CD163L1: variants seen among roughly 807,000 people sequenced by gnomAD.
CD163L1 encodes the protein CD163 molecule like 1, also known as scavenger receptor cysteine-rich type 1 protein M160.
Under a neutral mutation model 165.4 loss-of-function variants are expected in CD163L1, and 124 were observed. The ratio of observed to expected loss-of-function variants is 0.75; its 90% confidence interval spans 0.65 to 0.87. The LOEUF is 0.87. Ranked by LOEUF, CD163L1 falls within the 40% of genes least tolerant of loss-of-function variation. The pLI, the probability that CD163L1 is intolerant of heterozygous loss-of-function variation, is 0.00. For synonymous variants in CD163L1, 585 were observed against 662.2 expected (o/e 0.88, Z 1.79); for missense variants, 1,525 against 1,799.9 (o/e 0.85, Z 2.76).
rs1019200790 is a variant in CD163L1, at chr12:7,374,615, C to T, written c.3236G>A (p.Cys1079Tyr). The T allele has an allele frequency of 5.0e-6, 8 of 1,614,118 alleles. No homozygotes were observed. The highest frequency in any genetic ancestry group is 4.5e-5 in the East Asian group (2 of 44,882). ...GACCGTGGCATTGAAGGCCACTCCA[C>T]AGCCCAGCTTTTGACACACCACGTG... ...DAHVVCQKLG[C>Y]GVAFNATVSA... Residue 1079 changes from cysteine to tyrosine, a missense_variant, in exon 13 of 20, where the codon TGT becomes TAT. By Grantham distance (194) the Cys-to-Tyr change is radical. Transcript: ENST00000313599. This position sits in a 1 kb window ranked among gnomAD's most constrained non-coding sequence, Gnocchi z 5.4.
the CD163L1 span, among the ~76,000 whole-genome samples, chr12:7,334,246 A>G: frequency 6.6e-6 from 1 of 152,292 alleles, no homozygotes; most frequent in Non-Finnish European, 1.5e-5. Flanking sequence ...CCTCAATAAA[A>G]TACTGGCAAA....
At chr12:7,338,955 T>C in the CD163L1 span, among the ~76,000 whole-genome samples, 1 of 152,172 alleles carries the variant, frequency 6.6e-6, no homozygotes, top group African/African-American at 2.4e-5. Context: ...TTTTTGTATT[T>C]TTTCTTTTTG....
chr12:7,437,309 A>G (rs1319219206), intron 2 of CD163L1, among the ~76,000 whole-genome samples: 1 of 141,692 alleles, frequency 7.1e-6, no homozygotes, highest in African/African-American at 2.8e-5. Context: ...TATTTTATTA[A>G]TGAATATTAT....
At chr12:7,405,794 G>A (rs752466310) in intron 5 of CD163L1, among the ~76,000 whole-genome samples, 11 of 152,268 alleles carry the variant, frequency 7.2e-5, no homozygotes, top group South Asian at 4.1e-4. Context: ...GAGGAAAATC[G>A]TTGGCTCTAC....
chr12:7,442,464 C>G (rs1257453719), intron 1 of CD163L1, among the ~76,000 whole-genome samples: 1 of 152,100 alleles, frequency 6.6e-6, no homozygotes, highest in African/African-American at 2.4e-5. Context: ...GAAGTAATCC[C>G]AAGTGAGTTT....
At chr12:7,399,362 TTC>T (rs1037361542) in intron 6 of CD163L1, among the ~76,000 whole-genome samples, 14 of 80,590 alleles carry the variant, frequency 1.7e-4, no homozygotes, top group African/African-American at 7.3e-4. Context: ...TCTCTCTTCT[TTC>T]TCTTTCTTTC....
intron 8 of CD163L1, among the ~76,000 whole-genome samples, 177 bp downstream of exon 8, chr12:7,395,918 A>G (rs1479573159): frequency 2.0e-5 from 3 of 152,210 alleles, no homozygotes; most frequent in Admixed American, 6.5e-5. Context: ...ATTTCTTGAG[A>G]AAACAGTTTT....
At chr12:7,320,826 T>C in the CD163L1 span, 12 of 1,575,660 alleles carry the variant, frequency 7.6e-6, no homozygotes, top group South Asian at 1.1e-4. Flanking sequence ...GAAATCTCCA[T>C]TTGAACCACA....
intron 4 of CD163L1, among the ~76,000 whole-genome samples, chr12:7,429,324 A>G (rs544892915): frequency 1.1e-3 from 160 of 152,244 alleles, no homozygotes; most frequent in South Asian, 7.7e-3. Flanking sequence ...TTGTCTTTAT[A>G]GAAAATTTGT....
chr12:7,365,534 C>A (rs1474748668), intron 18 of CD163L1, among the ~76,000 whole-genome samples: 1 of 151,982 alleles, frequency 6.6e-6, no homozygotes, highest in African/African-American at 2.4e-5. Flanking sequence ...GGTTAATAAT[C>A]TAAATATATA....
At chr12:7,371,989 T>C (rs1947156315) in intron 14 of CD163L1, among the ~76,000 whole-genome samples, 1 of 152,050 alleles carries the variant, frequency 6.6e-6, no homozygotes. Context: ...TTCCATGATT[T>C]CTGGGTTTTT....
Position 7,403,594 on chromosome 12 carries a change from T to C in CD163L1, c.1349A>G (p.Tyr450Cys), listed in dbSNP as rs749098186. The C allele has an allele frequency of 6.2e-7, 1 of 1,614,014 alleles. No individual in the cohort carries two copies. The highest frequency in any genetic ancestry group is 1.1e-5 in the South Asian group (1 of 91,072). The change falls in exon 6 of 20, where the codon TAT becomes TGT. Residue 450 changes from tyrosine to cysteine, a missense_variant. Transcript: ENST00000313599. ...GCATGTTCGCTTTGCTTTTCCATCA[T>C]ATGTGCAGTCCCAGAGAGCTGACTC... ...GNESALWDCT[Y>C]DGKAKRTCFR...
the CD163L1 span, chr12:7,324,336 G>A: frequency 1.2e-6 from 2 of 1,614,046 alleles, no homozygotes; most frequent in Non-Finnish European, 1.7e-6. Flanking sequence ...AGACAGAGGA[G>A]TGATGGACAG....
exon 5 of CD163L1, chr12:7,346,783 A>G (rs1227681867): frequency 6.6e-6 from 1 of 152,138 alleles, no homozygotes; most frequent in Non-Finnish European, 1.5e-5. Flanking sequence ...ATGCTGTAAT[A>G]TCTAGGCTAG....
chr12:7,358,754 C>T (rs928748708), intron 18 of CD163L1, among the ~76,000 whole-genome samples: 7 of 152,104 alleles, frequency 4.6e-5, no homozygotes, highest in African/African-American at 1.4e-4. Context: ...CAGCAAGCAT[C>T]AGACCAGACT....
intron 1 of CD163L1, among the ~76,000 whole-genome samples, chr12:7,442,179 G>A (rs1466829300): frequency 6.6e-6 from 1 of 152,196 alleles, no homozygotes; most frequent in Non-Finnish European, 1.5e-5. Flanking sequence ...TGAGGGGTAT[G>A]TAACAGCTGT....
At chr12:7,403,925 AC>A in intron 5 of CD163L1, 70 bp from the exon 6 acceptor site, 1 of 1,258,016 alleles carries the variant, frequency 7.9e-7, no homozygotes, top group South Asian at 1.4e-5. Flanking sequence ...CTCTCCTCCA[AC>A]CCCTCCAATG....
At position 7,357,444 on chromosome 12, in the gene CD163L1, G is replaced by C. The variant is rs112567336; in HGVS notation, c.4322C>G (p.Ser1441Trp). Residue 1441 changes from serine (S) to tryptophan (W), a missense_variant, in exon 19 of 20, where the codon TCG becomes TGG. Physicochemically the swap from Ser to Trp is radical, Grantham distance 177 (BLOSUM62 -3). Transcript: ENST00000313599. ...AGAGGCAGGAAGAACTCCCAACAGC[G>C]ATGTGTCGCTAGCATCTTCACAACC... is the stretch of plus-strand genomic sequence containing the variant. Reference protein sequence around the residue: ...NHGCEDASDTSLLGVLPASEA... With the variant: ...NHGCEDASDTWLLGVLPASEA... 588 of 1,612,676 alleles carry C rather than the reference G, an allele frequency of 3.6e-4. 1 individual carries two copies. Among genetic ancestry groups the C allele is most frequent in the Middle Eastern group, 2.3e-3 (14 of 6,046 alleles).
intron 4 of CD163L1, among the ~76,000 whole-genome samples, chr12:7,430,517 T>A (rs577970626): frequency 6.6e-6 from 1 of 152,182 alleles, no homozygotes; most frequent in Non-Finnish European, 1.5e-5. Flanking sequence ...AACATAAACA[T>A]GTATAGATCA....
Sources: allele counts gnomAD v4.1 joint callset (sites outside exome capture counted in the v4.1 genomes callset), GRCh38; gene constraint gnomAD v4.1.1; non-coding constraint Gnocchi (gnomAD v3.1); transcripts MANE v1.5; gene names NCBI Gene and HGNC (gene_info 2026-07-23, HGNC 2026-07-21).